TIPIN: variants seen among roughly 807,000 people sequenced by gnomAD.
TIPIN encodes TIMELESS interacting protein.
Under a neutral mutation model 35.6 loss-of-function variants are expected in TIPIN, and 29 were observed. The observed-to-expected ratio is 0.82, with a 90% CI of 0.61 to 1.11. TIPIN has a LOEUF of 1.11. Among genes scored for constraint, TIPIN ranks in the 50% most tolerant of loss-of-function variants. The pLI is 0.00. For synonymous variants in TIPIN, 102 were observed against 121.5 expected, an observed-to-expected ratio of 0.84 and a Z score of 1.06; for missense variants, 296 against 345.4, an observed-to-expected ratio of 0.86 and a Z score of 1.13.
chr15:66,376,671 C>G (rs2093298116), intron 1 of TIPIN, among the ~76,000 whole-genome samples: 2 of 151,688 alleles, frequency 1.3e-5, no homozygotes, highest in African/African-American at 2.4e-5. Flanking sequence ...TCAAGTGACC[C>G]CCCCACTCTG....
intron 1 of TIPIN, among the ~76,000 whole-genome samples, chr15:66,379,091 A>T (rs2093308529): frequency 6.6e-6 from 1 of 151,048 alleles, no homozygotes; most frequent in South Asian, 2.1e-4. Context: ...GTCTTCCCAT[A>T]TTGCTCAGGC....
chr15:66,336,918 G>T lies in TIPIN; in HGVS notation c.*40C>A. On this transcript the variant is annotated 3_prime_UTR_variant, in exon 8 of 8. Coordinates refer to ENST00000261881, the MANE Select transcript of TIPIN (RefSeq NM_017858.3). The stretch of plus-strand genomic sequence containing the variant: ...AATACATAGTAACGCCAAGCTTGCA[G>T]GACGATGACTTAACAGATACATTTT... 6.4e-7 allele frequency: 1 copy of T among 1,569,102 alleles called. No homozygotes were observed. The highest frequency in any genetic ancestry group is 8.7e-7 in the Non-Finnish European group (1 of 1,145,788).
chr15:66,378,081 C>A (rs2093304229), intron 1 of TIPIN, among the ~76,000 whole-genome samples: 1 of 152,112 alleles, frequency 6.6e-6, no homozygotes, highest in South Asian at 2.1e-4. Flanking sequence ...TAGCTCACCA[C>A]AACCTCTGCC....
At chr15:66,379,234 T>C in intron 1 of TIPIN, 2 of 1,424,658 alleles carry the variant, frequency 1.4e-6, no homozygotes, top group Non-Finnish European at 1.8e-6. Context: ...GCTATTTACT[T>C]TTCTCCAAAT....
Position 66,337,092 on chromosome 15 carries a change from C to T in TIPIN, c.772G>A (p.Asp258Asn). Reference sequence around the variant, plus strand: ...TCATTACATGGATTGTCCAGAATGTCTTCGTTTAATCCATTTGACTCCTCC... The same window carrying T: ...TCATTACATGGATTGTCCAGAATGTTTTCGTTTAATCCATTTGACTCCTCC... ...QKEESNGLNE[D>N]ILDNPCNDAI... Residue 258 changes from aspartate (D) to asparagine (N), a missense_variant, in exon 8 of 8, where the codon GAC becomes AAC. Asp to Asn is a conservative substitution (Grantham distance 23). Coordinates refer to ENST00000261881, the MANE Select transcript of TIPIN (RefSeq NM_017858.3). The T allele has an allele frequency of 6.2e-7, 1 of 1,614,086 alleles. No homozygotes were observed. Among genetic ancestry groups the T allele is most frequent in the Non-Finnish European group, 8.5e-7 (1 of 1,180,012 alleles).
chr15:66,341,492 G>T (rs1261567590), intron 6 of TIPIN, 136 bp from the exon 7 acceptor site: 126 of 888 alleles, frequency 0.14, 1 homozygote, highest in Admixed American at 0.32. Context: ...TTGTGGGCCG[G>T]GCGCGGTGGC....
chr15:66,347,160 C>G, intron 6 of TIPIN: 1 of 482,948 alleles, frequency 2.1e-6, no homozygotes, highest in Non-Finnish European at 4.2e-6. Flanking sequence ...CTACATGGAA[C>G]CTGTATTTTC....
chr15:66,347,197 CA>C (rs1235282254), intron 6 of TIPIN: 2 of 499,326 alleles, frequency 4.0e-6, no homozygotes, highest in African/African-American at 3.9e-5. Flanking sequence ...AGTTAAAAAA[CA>C]AAAACAAACA....
At chr15:66,372,278 T>C (rs1289255000) in intron 1 of TIPIN, among the ~76,000 whole-genome samples, 3 of 152,206 alleles carry the variant, frequency 2.0e-5, no homozygotes, top group African/African-American at 2.4e-5. Flanking sequence ...TCTACCACCA[T>C]AGACTAGGTT....
intron 6 of TIPIN, among the ~76,000 whole-genome samples, chr15:66,345,444 C>T (rs565480171): frequency 6.6e-6 from 1 of 152,142 alleles, no homozygotes; most frequent in East Asian, 1.9e-4. Context: ...CAGTGGCTCA[C>T]TGGCTCACGC....
intron 1 of TIPIN, chr15:66,383,449 GAC>G (rs1342116315): frequency 1.6e-5 from 4 of 245,258 alleles, no homozygotes; most frequent in African/African-American, 9.3e-5. Flanking sequence ...TTTTAGTAAA[GAC>G]AGGGTTTCAC....
intron 1 of TIPIN, among the ~76,000 whole-genome samples, chr15:66,368,491 T>A (rs2093266252): frequency 6.6e-6 from 1 of 152,136 alleles, no homozygotes; most frequent in African/African-American, 2.4e-5. Flanking sequence ...ATCGTGCTAC[T>A]GTTCTTCAGC....
chr15:66,352,998 T>C, intron 1 of TIPIN, 43 bp from the exon 2 acceptor site: 1 of 1,582,618 alleles, frequency 6.3e-7, no homozygotes, highest in South Asian at 1.2e-5. Flanking sequence ...TCCAAAATAG[T>C]CTCCACTATA....
chr15:66,352,193 C>T lies in TIPIN; in HGVS notation c.148G>A (p.Ala50Thr). 6.2e-7 allele frequency: 1 copy of T among 1,605,392 alleles called. No homozygotes were observed. Among genetic ancestry groups the T allele is most frequent in the South Asian group, 1.1e-5 (1 of 89,022 alleles). The change falls in exon 3 of 8, where the codon GCA (alanine) becomes ACA (threonine). Residue 50 changes from alanine (A) to threonine (T), a missense_variant. Ala to Thr is a moderately conservative substitution (Grantham distance 58). Transcript: ENST00000261881. Reference protein sequence around the residue: ...TEPDEESGNGAPVRVPPKRTV... With the variant: ...TEPDEESGNGTPVRVPPKRTV... ...CTCTTTGGAGGTACACGAACAGGTG[C>T]TCCATTTCCTGACTCTGGTGAAACA... is the stretch of plus-strand genomic sequence containing the variant.
intron 1 of TIPIN, among the ~76,000 whole-genome samples, chr15:66,373,337 C>CA (rs1206905281): frequency 6.6e-6 from 1 of 151,566 alleles, no homozygotes; most frequent in African/African-American, 2.4e-5. Context: ...ACTAAAAATA[C>CA]AAAAAATTAG....
intron 7 of TIPIN, among the ~76,000 whole-genome samples, chr15:66,338,735 A>G (rs1223441139): frequency 6.7e-5 from 10 of 148,694 alleles, no homozygotes; most frequent in Non-Finnish European, 1.5e-4. Context: ...AATGGCATGG[A>G]CACGGGAGGC....
At chr15:66,337,542 G>A (rs900687360) in intron 7 of TIPIN, among the ~76,000 whole-genome samples, 2 of 151,860 alleles carry the variant, frequency 1.3e-5, no homozygotes, top group East Asian at 1.9e-4. Flanking sequence ...GGCTGGTCTC[G>A]AACTCCTGAC....
rs62627274 is a variant in TIPIN, at chr15:66,352,962, G to GA, written c.-8-8dup. Reference sequence around the variant, plus strand: ...GGTTCTAGCATCTTTTCCTCTAGGGGAAAAAATTAAAGTTATTTGTATTCA... The same window carrying GA: ...GGTTCTAGCATCTTTTCCTCTAGGGGAAAAAAATTAAAGTTATTTGTATTCA... On this transcript the variant is annotated splice_region_variant and splice_polypyrimidine_tract_variant and intron_variant, in intron 1 of 7. Coordinates refer to ENST00000261881, the MANE Select transcript of TIPIN (RefSeq NM_017858.3). 1.9e-6 allele frequency: 3 copies of GA among 1,607,366 alleles called. No homozygotes were observed. The highest frequency in any genetic ancestry group is 2.5e-6 in the Non-Finnish European group (3 of 1,177,292).
intron 7 of TIPIN, among the ~76,000 whole-genome samples, chr15:66,337,833 C>T (rs2093056383): frequency 6.6e-6 from 1 of 151,130 alleles, no homozygotes; most frequent in African/African-American, 2.4e-5. Flanking sequence ...CGTGCCACTG[C>T]ACTCCAGCCT....
Sources: gnomAD v4.1 joint callset for allele counts (sites outside exome capture counted in the v4.1 genomes callset) on GRCh38, gnomAD v4.1.1 for gene constraint, MANE v1.5 for transcripts, NCBI Gene and HGNC (gene_info 2026-07-23, HGNC 2026-07-21) for gene names.